EHF: variants seen among roughly 807,000 people sequenced by gnomAD.
EHF encodes ESE3 transcription factor.
In EHF, 14 loss-of-function variants were observed where a neutral mutation model predicts 45.1. That is an observed-to-expected ratio of 0.31 (90% CI 0.21 to 0.49). EHF has a LOEUF of 0.49. EHF is among the 20% of genes least tolerant of loss of function. The pLI is 0.99. For synonymous variants in EHF, 136 were observed against 131.8 expected, an observed-to-expected ratio of 1.03 and a Z score of -0.22; for missense variants, 282 against 371.4, an observed-to-expected ratio of 0.76 and a Z score of 1.98.
chr11:34,657,746 C>T (rs1039315584), intron 7 of EHF, among the ~76,000 whole-genome samples: 1 of 151,452 alleles, frequency 6.6e-6, no homozygotes, highest in Non-Finnish European at 1.5e-5. Flanking sequence ...ACTGTAATTG[C>T]ACCACTGTAC....
In EHF at chr11:34,621,111, A is replaced by T. The variant is rs1037301457; in HGVS notation, c.-121A>T. On this transcript the variant is annotated 5_prime_UTR_variant, in exon 1 of 9. Transcript: ENST00000257831. ...TATCTTCACTCTGATGAGGGCTCAG[A>T]CTTGATAACACCCGTGGTGCCCCAT... 6.6e-6 allele frequency: 1 copy of T among 152,248 alleles called. No individual in the cohort carries two copies. The highest frequency in any genetic ancestry group is 2.4e-5 in the African/African-American group (1 of 41,452). The allele number at this position is 152,248 out of a possible 1,614,324, so 9.4% of individuals were successfully genotyped here.
intron 1 of EHF, among the ~76,000 whole-genome samples, chr11:34,628,920 T>C (rs1319623449): frequency 1.3e-5 from 2 of 152,208 alleles, no homozygotes; most frequent in Non-Finnish European, 2.9e-5. Flanking sequence ...GCTGTTGCCA[T>C]CTTAAAATTC....
rs1274908220 is a variant in EHF, at chr11:34,643,329, C to CCTGAATCAAGTTGAATCT, written c.97+616_97+633dup. On this transcript the variant is annotated intron_variant, in intron 2 of 8. Transcript: ENST00000257831. ...GTGGCTTCCTGAATCAAGTTGAATC[C>CCTGAATCAAGTTGAATCT]CTGAATCAAGTTGAATCTCTGAATC... Among the ~76,000 whole-genome samples, 32 of 152,072 alleles carry CCTGAATCAAGTTGAATCT rather than the reference C, an allele frequency of 2.1e-4. 2 individuals are homozygous for CCTGAATCAAGTTGAATCT. In the South Asian group the frequency reaches 4.8e-3, roughly 23 times the overall value.
intron 1 of EHF, chr11:34,631,485 C>A: frequency 1.2e-6 from 1 of 802,408 alleles, no homozygotes; most frequent in Non-Finnish European, 1.5e-6. Flanking sequence ...GTGACATTGA[C>A]AAATTAATGA....
In EHF at chr11:34,632,369, CTGTTTACGGTGGGTTTTA is replaced by C. The variant is rs931772418; in HGVS notation, c.-3-10254_-3-10237del. On this transcript the variant is annotated intron_variant, in intron 1 of 8. Coordinates refer to ENST00000257831, the MANE Select transcript of EHF (RefSeq NM_012153.6). ...CCTGCCAGCAACTGAATTAACAGCT[CTGTTTACGGTGGGTTTTA>C]TGTTAACAACCTGCTCCTGACCCTC... 3.0e-6 allele frequency: 3 copies of C among 1,005,258 alleles called. No homozygotes were observed. The African/African-American group carries it at 4.9e-5, about 16-fold the overall frequency. The allele number at this position is 1,005,258 out of a possible 1,614,324, so 62.3% of individuals were successfully genotyped here.
chr11:34,632,977 A>T (rs1355209800), intron 1 of EHF, among the ~76,000 whole-genome samples: 1 of 152,178 alleles, frequency 6.6e-6, no homozygotes, highest in Non-Finnish European at 1.5e-5. Flanking sequence ...AAGCTGAGAG[A>T]CTAATTGTCT....
Position 34,658,521 on chromosome 11 carries a change from GC to G in EHF, c.608-11del, listed in dbSNP as rs757363463. ...TAGATCATTAGTAACCTGCCTTTCTGCTTTTCATCAGACCCGAGAGGGACTC... is the reference window on the plus strand; with the variant it reads ...TAGATCATTAGTAACCTGCCTTTCTGTTTTCATCAGACCCGAGAGGGACTC... On this transcript the variant is annotated splice_polypyrimidine_tract_variant and intron_variant, in intron 7 of 8. Coordinates refer to ENST00000257831, the MANE Select transcript of EHF (RefSeq NM_012153.6). The G allele has an allele frequency of 6.2e-7, 1 of 1,607,616 alleles. No individual in the cohort carries two copies. The highest frequency in any genetic ancestry group is 8.5e-7 in the Non-Finnish European group (1 of 1,176,102).
At chr11:34,649,213 T>G in intron 4 of EHF, 132 bp downstream of exon 4, 1 of 837,906 alleles carries the variant, frequency 1.2e-6, no homozygotes, top group Non-Finnish European at 1.9e-6. Context: ...CCTGGCTGTC[T>G]CTGATGGGCC....
At chr11:34,638,191 C>T (rs1316409936) in intron 1 of EHF, among the ~76,000 whole-genome samples, 1 of 152,212 alleles carries the variant, frequency 6.6e-6, no homozygotes. Flanking sequence ...CGTGAGCCAT[C>T]GCACCCGGTC....
chr11:34,640,824 C>G (rs1224646609), intron 1 of EHF, among the ~76,000 whole-genome samples: 2 of 152,186 alleles, frequency 1.3e-5, no homozygotes, highest in African/African-American at 2.4e-5. Context: ...ATTTCTGGTT[C>G]AGGCTATCCA....
rs1234932233 is a variant in EHF at position 34,662,759 on chromosome 11, C to T, written c.*3828C>T. Among the ~76,000 whole-genome samples, 1 of 151,974 alleles carries T rather than the reference C, an allele frequency of 6.6e-6. No homozygotes were observed. The highest frequency in any genetic ancestry group is 6.6e-5 in the Admixed American group (1 of 15,238). ...AGTTAAGCAAACACTTGTTGAGTGCCTGCTATGTGCACGGCATGGGCCCAT... is the reference window on the plus strand; with the variant it reads ...AGTTAAGCAAACACTTGTTGAGTGCTTGCTATGTGCACGGCATGGGCCCAT... On this transcript the variant is annotated 3_prime_UTR_variant, in exon 9 of 9. Coordinates refer to ENST00000257831, the MANE Select transcript of EHF (RefSeq NM_012153.6).
chr11:34,626,682 C>T (rs2083339584), intron 1 of EHF, among the ~76,000 whole-genome samples: 1 of 152,144 alleles, frequency 6.6e-6, no homozygotes, highest in Non-Finnish European at 1.5e-5. Flanking sequence ...TTCCACTAGG[C>T]AGAAGGCTGT....
intron 1 of EHF, among the ~76,000 whole-genome samples, chr11:34,635,881 C>T (rs996625123): frequency 1.3e-5 from 2 of 152,068 alleles, no homozygotes; most frequent in African/African-American, 4.8e-5. Context: ...AAGAACTGTG[C>T]CCAGCCAGAG....
chr11:34,643,385 C>T (rs1479015759), intron 2 of EHF, among the ~76,000 whole-genome samples: 1 of 152,108 alleles, frequency 6.6e-6, no homozygotes, highest in Non-Finnish European at 1.5e-5. Flanking sequence ...ACCCCATACC[C>T]CAATTTAGAG....
intron 2 of EHF, among the ~76,000 whole-genome samples, chr11:34,643,581 T>C (rs552683194): frequency 6.6e-6 from 1 of 152,274 alleles, no homozygotes; most frequent in South Asian, 2.1e-4. Context: ...GGGAGGATAA[T>C]GGGAGAGTTA....
intron 2 of EHF, among the ~76,000 whole-genome samples, chr11:34,645,430 A>G (rs1854418601): frequency 6.6e-6 from 1 of 152,196 alleles, no homozygotes; most frequent in Admixed American, 6.5e-5. Context: ...ATATATGGTG[A>G]GCATCTACTA....
chr11:34,657,957 A>T (rs965307994), intron 7 of EHF, among the ~76,000 whole-genome samples: 1 of 152,020 alleles, frequency 6.6e-6, no homozygotes, highest in Non-Finnish European at 1.5e-5. Context: ...TTGGTTGATA[A>T]TCTTATTGCA....
rs1050393067 is a variant in EHF at position 34,659,754 on chromosome 11, G to C, written c.*823G>C. On this transcript the variant is annotated 3_prime_UTR_variant, in exon 9 of 9. Coordinates refer to ENST00000257831, the MANE Select transcript of EHF (RefSeq NM_012153.6). ...GTTGGAAAAAGGAGACGGTGGTGTGGAAATGGCTGAAGAGTTTGCTCTTGT... is the reference window on the plus strand; with the variant it reads ...GTTGGAAAAAGGAGACGGTGGTGTGCAAATGGCTGAAGAGTTTGCTCTTGT... 6.6e-6 allele frequency: 1 copy of C among 152,146 alleles called. No individual in the cohort carries two copies. The highest frequency in any genetic ancestry group is 6.6e-5 in the Admixed American group (1 of 15,262). The allele number at this position is 152,146 out of a possible 1,614,324, so 9.4% of individuals were successfully genotyped here.
intron 1 of EHF, among the ~76,000 whole-genome samples, chr11:34,631,009 A>G (rs1375948826): frequency 6.6e-6 from 1 of 152,152 alleles, no homozygotes; most frequent in African/African-American, 2.4e-5. Flanking sequence ...ACAAAGCTTA[A>G]AAAGAGATAT....
Sources: gnomAD v4.1 joint callset for allele counts (sites outside exome capture counted in the v4.1 genomes callset) on GRCh38, gnomAD v4.1.1 for gene constraint, MANE v1.5 for transcripts, NCBI Gene and HGNC (gene_info 2026-07-23, HGNC 2026-07-21) for gene names.